Variants in FRMD3 observed in about 807,000 individuals in gnomAD.
FRMD3 encodes FERM domain-containing protein 3.
FRMD3 carries 33 observed loss-of-function variants against 70.2 expected under a neutral mutation model. That is an observed-to-expected ratio of 0.47 (90% CI 0.36 to 0.63). FRMD3 has a LOEUF of 0.63. Ranked by LOEUF, FRMD3 falls within the 20% of genes least tolerant of loss-of-function variation. The pLI is 0.00. For synonymous variants in FRMD3, 279 were observed against 255.9 expected (o/e 1.09, Z -0.86); for missense variants, 632 against 711.4 (o/e 0.89, Z 1.27).
chr9:83,411,121 C>T (rs752233171), intron 1 of FRMD3, among the ~76,000 whole-genome samples: 8 of 152,204 alleles, frequency 5.3e-5, no homozygotes, highest in Admixed American at 2.0e-4. Context: ...CCCTTAGAGA[C>T]GTGGCGTATT....
At chr9:83,365,829 A>G (rs973719598) in intron 3 of FRMD3, among the ~76,000 whole-genome samples, 1 of 152,216 alleles carries the variant, frequency 6.6e-6, no homozygotes, top group African/African-American at 2.4e-5. Context: ...CCTGAGGCTG[A>G]GCAGTTCCTG....
intron 13 of FRMD3, 132 bp downstream of exon 13, chr9:83,290,471 A>G (rs753781983): frequency 2.9e-5 from 29 of 1,012,196 alleles, no homozygotes; most frequent in Non-Finnish European, 4.1e-5. Flanking sequence ...CTTATTTACT[A>G]AAAACATAGT....
chr9:83,447,180 C>T lies in FRMD3; in HGVS notation c.148-57472G>A, dbSNP rs910009630. On this transcript the variant is annotated intron_variant, in intron 1 of 13. Coordinates refer to ENST00000304195, the MANE Select transcript of FRMD3 (RefSeq NM_174938.6). ...CTGGGATTACAGGCATGCGCCACCA[C>T]GCACAGCTAATTTTTTGTATTTTTA... 5.3e-5 allele frequency among the ~76,000 whole-genome samples: 8 copies of T among 152,262 alleles called. No individual in the cohort carries two copies. In the East Asian group the frequency reaches 1.4e-3, roughly 26 times the overall value.
chr9:83,251,648 A>G (rs1449878039), intron 13 of FRMD3, among the ~76,000 whole-genome samples: 1 of 152,234 alleles, frequency 6.6e-6, no homozygotes, highest in Non-Finnish European at 1.5e-5. Flanking sequence ...TGATAGCCAG[A>G]ATAGCCAGGT....
At chr9:83,455,433 TTAAG>T (rs1458211137) in intron 1 of FRMD3, among the ~76,000 whole-genome samples, 1 of 152,168 alleles carries the variant, frequency 6.6e-6, no homozygotes, top group Non-Finnish European at 1.5e-5. Context: ...TGATAGTGAA[TTAAG>T]TCTCACGTGC....
At chr9:83,320,609 A>G (rs1835762158) in intron 6 of FRMD3, among the ~76,000 whole-genome samples, 1 of 151,874 alleles carries the variant, frequency 6.6e-6, no homozygotes, top group African/African-American at 2.4e-5. Context: ...ATTTATGTTC[A>G]TCAGGGATAT....
At chr9:83,385,838 C>T (rs1825496013) in intron 2 of FRMD3, among the ~76,000 whole-genome samples, 1 of 152,100 alleles carries the variant, frequency 6.6e-6, no homozygotes, top group Non-Finnish European at 1.5e-5. Context: ...TTATCCAAGG[C>T]CCATTTTCCG....
intron 6 of FRMD3, among the ~76,000 whole-genome samples, chr9:83,319,410 A>T (rs1835709573): frequency 6.6e-6 from 1 of 151,980 alleles, no homozygotes; most frequent in Non-Finnish European, 1.5e-5. Flanking sequence ...TGCAGCTATC[A>T]ATTTTCCCAG....
chr9:83,294,894 G>C (rs1007479227), intron 12 of FRMD3, among the ~76,000 whole-genome samples: 28 of 152,310 alleles, frequency 1.8e-4, no homozygotes, highest in African/African-American at 6.0e-4. Context: ...AGTATGTGCA[G>C]ATGTCCCAGT....
At chr9:83,525,287 G>A (rs891778183) in intron 1 of FRMD3, among the ~76,000 whole-genome samples, 4 of 152,216 alleles carry the variant, frequency 2.6e-5, no homozygotes, top group Non-Finnish European at 5.9e-5. Flanking sequence ...TATTTCAAAC[G>A]TTAGCATAAA....
chr9:83,247,744 T>C lies in FRMD3; in HGVS notation c.*174A>G, dbSNP rs1832178552. 6.9e-7 allele frequency: 1 copy of C among 1,455,752 alleles called. No homozygotes were observed. The highest frequency in any genetic ancestry group is 9.0e-7 in the Non-Finnish European group (1 of 1,106,888). The allele number at this position is 1,455,752 out of a possible 1,614,324, so 90.2% of individuals were successfully genotyped here. On this transcript the variant is annotated 3_prime_UTR_variant, in exon 14 of 14. Transcript: ENST00000304195. Reference sequence around the variant, plus strand: ...CTGTAACTAAAATAACTGTATTTGATTTAAACTTATTTAAGTGCAGTGAAT... The same window carrying C: ...CTGTAACTAAAATAACTGTATTTGACTTAAACTTATTTAAGTGCAGTGAAT...
intron 2 of FRMD3, among the ~76,000 whole-genome samples, chr9:83,376,460 C>T (rs114237200): frequency 0.013 from 1,937 of 152,176 alleles, 33 homozygotes; most frequent in African/African-American, 0.044. Flanking sequence ...AAAAAGTGAA[C>T]TGAAAAATTT....
At chr9:83,492,269 T>C (rs1828843926) in intron 1 of FRMD3, among the ~76,000 whole-genome samples, 1 of 152,206 alleles carries the variant, frequency 6.6e-6, no homozygotes, top group Admixed American at 6.5e-5. Context: ...CCACGAGGCC[T>C]GGCTGATGCA....
chr9:83,246,869 C>CT lies in FRMD3; in HGVS notation c.*1048dup. 2.0e-6 allele frequency: 2 copies of CT among 985,394 alleles called. No individual in the cohort carries two copies. The highest frequency in any genetic ancestry group is 2.4e-6 in the Non-Finnish European group (2 of 829,932). 61.0% of individuals were successfully genotyped at this position (985,394 alleles called of 1,614,324 possible). A position where few individuals can be genotyped will look rare whatever the true frequency, so the allele number is the denominator to read the frequency against. ...TCATCGAACGCTGGCATCACCATCA[C>CT]TTTCATAAAATAGACCATTCGCCTG... On this transcript the variant is annotated 3_prime_UTR_variant, in exon 14 of 14. Coordinates refer to ENST00000304195, the MANE Select transcript of FRMD3 (RefSeq NM_174938.6).
At chr9:83,382,758 GTCCATC>G (rs1480794595) in intron 2 of FRMD3, among the ~76,000 whole-genome samples, 1 of 151,908 alleles carries the variant, frequency 6.6e-6, no homozygotes, top group East Asian at 1.9e-4. Context: ...TCTGATCTTT[GTCCATC>G]TCCTTTGCTG....
At chr9:83,541,824 A>T (rs983370852), upstream of FRMD3, among the ~76,000 whole-genome samples, 8 of 152,210 alleles carry the variant, frequency 5.3e-5, no homozygotes, top group African/African-American at 1.9e-4. Context: ...AATTTGATCT[A>T]TAGGACAAAC....
downstream of FRMD3, chr9:83,243,316 T>G: frequency 1.7e-6 from 2 of 1,210,012 alleles, no homozygotes; most frequent in Non-Finnish European, 2.4e-6. Flanking sequence ...GTCTCCACCC[T>G]GTAGAGAGTG....
chr9:83,316,148 C>CTTTTTTTTTT (rs369641019), intron 6 of FRMD3, among the ~76,000 whole-genome samples: 4 of 134,496 alleles, frequency 3.0e-5, no homozygotes, highest in Admixed American at 1.6e-4. Flanking sequence ...TCTTTTTTCT[C>CTTTTTTTTTT]TTTTTTTTTT....
At chr9:83,361,496 A>G (rs1022846643) in intron 3 of FRMD3, among the ~76,000 whole-genome samples, 1 of 152,216 alleles carries the variant, frequency 6.6e-6, no homozygotes, top group Non-Finnish European at 1.5e-5. Flanking sequence ...GAATTGTGCA[A>G]AGCTTTACTG....
Sources: gnomAD v4.1 joint callset for allele counts (sites outside exome capture counted in the v4.1 genomes callset) on GRCh38, gnomAD v4.1.1 for gene constraint, MANE v1.5 for transcripts, NCBI Gene and HGNC (gene_info 2026-07-23, HGNC 2026-07-21) for gene names.